Variants in GRXCR1 observed in about 807,000 individuals in gnomAD.
The protein encoded by GRXCR1 is glutaredoxin domain-containing cysteine-rich protein 1.
In GRXCR1, 27 loss-of-function variants were observed where a neutral mutation model predicts 27.3. The ratio of observed to expected loss-of-function variants is 0.99; its 90% CI spans 0.73 to 1.37. GRXCR1 has a LOEUF of 1.37. GRXCR1 is among the 40% of genes most tolerant of loss of function. The pLI, the probability that GRXCR1 is intolerant of heterozygous loss-of-function variation, is 0.00. For missense variants in GRXCR1, 379 were observed against 354.4 expected (o/e 1.07, Z -0.56); for synonymous variants, 122 against 131.1 (o/e 0.93, Z 0.47).
intron 1 of GRXCR1, among the ~76,000 whole-genome samples, chr4:42,908,495 G>GTGAT (rs1209801162): frequency 6.6e-6 from 1 of 152,138 alleles, no homozygotes; most frequent in African/African-American, 2.4e-5. Context: ...GATAACTTTA[G>GTGAT]TGACATCTGA....
chr4:42,931,553 G>C (rs1030408224), intron 1 of GRXCR1, among the ~76,000 whole-genome samples: 4 of 150,924 alleles, frequency 2.7e-5, no homozygotes, highest in Admixed American at 1.3e-4. Context: ...TTGTGTCTGT[G>C]ATAGCCTCTT....
intron 1 of GRXCR1, among the ~76,000 whole-genome samples, chr4:42,897,648 A>G (rs1377568469): frequency 6.6e-6 from 1 of 152,104 alleles, no homozygotes; most frequent in Non-Finnish European, 1.5e-5. Context: ...ACTCATTCTG[A>G]GAGATTTTGG....
At chr4:42,963,221 A>G in intron 2 of GRXCR1, 87 bp downstream of exon 2, 2 of 1,465,848 alleles carry the variant, frequency 1.4e-6, no homozygotes, top group Non-Finnish European at 1.9e-6. Flanking sequence ...TTGCAGCGTA[A>G]CTACTGGAAC....
chr4:42,994,148 C>T (rs1391895823), intron 2 of GRXCR1, among the ~76,000 whole-genome samples: 1 of 152,076 alleles, frequency 6.6e-6, no homozygotes, highest in Non-Finnish European at 1.5e-5. Flanking sequence ...TTAGCAACAA[C>T]TTTCAGTCAG....
chr4:42,930,930 A>G (rs1747290873), intron 1 of GRXCR1, among the ~76,000 whole-genome samples: 1 of 152,014 alleles, frequency 6.6e-6, no homozygotes, highest in South Asian at 2.1e-4. Flanking sequence ...AATGACTTAC[A>G]TCAGGTGCAA....
chr4:43,005,875 G>T (rs1346783114), intron 2 of GRXCR1, among the ~76,000 whole-genome samples: 2 of 152,200 alleles, frequency 1.3e-5, no homozygotes, highest in Non-Finnish European at 2.9e-5. Context: ...TCCCATGCTA[G>T]GCACCAGTTA....
chr4:42,998,772 C>G (rs1712257462), intron 2 of GRXCR1, among the ~76,000 whole-genome samples: 1 of 152,156 alleles, frequency 6.6e-6, no homozygotes, highest in Admixed American at 6.5e-5. Flanking sequence ...GAAATTTAAA[C>G]AGAAGAAATG....
intron 1 of GRXCR1, among the ~76,000 whole-genome samples, chr4:42,926,970 A>G (rs1448639642): frequency 6.6e-6 from 1 of 152,072 alleles, no homozygotes; most frequent in Non-Finnish European, 1.5e-5. Context: ...ATTGTCATAG[A>G]CTATAAGCTC....
At chr4:42,974,238 G>A (rs926316386) in intron 2 of GRXCR1, among the ~76,000 whole-genome samples, 3 of 152,076 alleles carry the variant, frequency 2.0e-5, no homozygotes, top group Non-Finnish European at 4.4e-5. Context: ...GGTCAGGGTA[G>A]GAGGGATGAA....
chr4:42,893,548 A>G lies in GRXCR1; in HGVS notation c.282A>G (p.Thr94=), dbSNP rs1746281895. The change falls in exon 1 of 4, where the codon ACA becomes ACG. Residue 94 remains threonine, a synonymous_variant. Coordinates refer to ENST00000399770, the MANE Select transcript of GRXCR1 (RefSeq NM_001080476.3). The part of the protein sequence containing the change: ...ARAASEKGFG[T]RRVNILSKNG... ...CTGCCAGTGAGAAGGGTTTTGGTACAAGAAGAGTCAACATTTTAAGCAAAA... is the reference window on the plus strand; with the variant it reads ...CTGCCAGTGAGAAGGGTTTTGGTACGAGAAGAGTCAACATTTTAAGCAAAA... 6.2e-7 allele frequency: 1 copy of G among 1,613,742 alleles called. No individual in the cohort carries two copies. The highest frequency in any genetic ancestry group is 1.3e-5 in the African/African-American group (1 of 74,912).
chr4:43,007,984 T>C (rs1159905523), intron 2 of GRXCR1, among the ~76,000 whole-genome samples: 1 of 152,198 alleles, frequency 6.6e-6, no homozygotes, highest in Non-Finnish European at 1.5e-5. Context: ...TTTTAAGTTT[T>C]CTGTGACTCT....
chr4:43,028,007 G>A (rs1207294044), intron 3 of GRXCR1, among the ~76,000 whole-genome samples: 3 of 152,072 alleles, frequency 2.0e-5, no homozygotes, highest in Non-Finnish European at 4.4e-5. Context: ...TTCTTGGGAG[G>A]CTGAGGCAGG....
chr4:42,968,769 A>G, intron 2 of GRXCR1, among the ~76,000 whole-genome samples: 1 of 152,116 alleles, frequency 6.6e-6, no homozygotes, highest in African/African-American at 2.4e-5. Context: ...TTCCTTTTCA[A>G]AGAGTTTTTT....
chr4:42,962,408 T>C lies in GRXCR1; in HGVS notation c.385-484T>C, dbSNP rs191435896. On this transcript the variant is annotated intron_variant, in intron 1 of 3. Transcript: ENST00000399770. ...CTTAAAACTTAGAAAAATCCCATGA[T>C]AATAGGTCTTGTTATTCCCAGGAAA... 2.0e-3 allele frequency among the ~76,000 whole-genome samples: 308 copies of C among 152,086 alleles called. 1 individual carries two copies. The highest frequency in any genetic ancestry group is 3.2e-3 in the Non-Finnish European group (219 of 67,892).
chr4:42,958,282 C>G (rs977562593), intron 1 of GRXCR1, among the ~76,000 whole-genome samples: 1 of 151,924 alleles, frequency 6.6e-6, no homozygotes, highest in Non-Finnish European at 1.5e-5. Flanking sequence ...GAAATAAACC[C>G]AACTACACAA....
At chr4:42,950,674 A>G (rs979828451) in intron 1 of GRXCR1, among the ~76,000 whole-genome samples, 1 of 152,146 alleles carries the variant, frequency 6.6e-6, no homozygotes, top group Non-Finnish European at 1.5e-5. Context: ...ATAATTAACA[A>G]TGTGTCTTCA....
chr4:42,958,655 G>A (rs114510625), intron 1 of GRXCR1, among the ~76,000 whole-genome samples: 1 of 152,072 alleles, frequency 6.6e-6, no homozygotes, highest in Non-Finnish European at 1.5e-5. Context: ...ATATTCGTGA[G>A]CCATATATAG....
At chr4:42,976,671 CTTATT>C (rs1385442690) in intron 2 of GRXCR1, among the ~76,000 whole-genome samples, 2 of 151,754 alleles carry the variant, frequency 1.3e-5, no homozygotes, top group East Asian at 3.9e-4. Flanking sequence ...TTTTTAATGG[CTTATT>C]TTATTTTATT....
At chr4:43,000,390 C>T (rs573207554) in intron 2 of GRXCR1, among the ~76,000 whole-genome samples, 8 of 149,402 alleles carry the variant, frequency 5.4e-5, no homozygotes, top group South Asian at 2.1e-4. Context: ...GCAGAAGAAT[C>T]GCTTGAACCA....
Sources: gnomAD v4.1 joint callset for allele counts (sites outside exome capture counted in the v4.1 genomes callset) on GRCh38, gnomAD v4.1.1 for gene constraint, MANE v1.5 for transcripts, NCBI Gene and HGNC (gene_info 2026-07-23, HGNC 2026-07-21) for gene names.